Variants in KCTD4 observed in about 807,000 individuals in gnomAD.
The protein encoded by KCTD4 is BTB/POZ domain-containing protein KCTD4.
In KCTD4, 12 loss-of-function variants were observed where a neutral mutation model predicts 18.3. That is an observed-to-expected ratio of 0.66 (90% CI 0.42 to 1.06). KCTD4 has a LOEUF of 1.06. Among genes scored for constraint, KCTD4 ranks in the 50% least tolerant of loss-of-function variants. KCTD4 has a pLI of 0.00. For missense variants in KCTD4, 250 were observed against 303.4 expected (o/e 0.82, Z 1.31); for synonymous variants, 124 against 110.5 (o/e 1.12, Z -0.76).
intron 1 of KCTD4, among the ~76,000 whole-genome samples, chr13:45,196,788 A>G (rs182697561): frequency 2.2e-4 from 33 of 152,284 alleles, no homozygotes; most frequent in Non-Finnish European, 3.2e-4. Flanking sequence ...GGAAGCCCCA[A>G]TGCTGTTGCT....
chr13:45,194,200 GCC>G lies in KCTD4; in HGVS notation c.366_367del (p.Ala123ArgfsTer25). On this transcript the variant is annotated frameshift_variant, in exon 2 of 2. Coordinates refer to ENST00000379108, the MANE Select transcript of KCTD4 (RefSeq NM_198404.3). LOFTEE classifies it high-confidence loss of function. ...CTCCCACCTGGATTTCACTTCCTCTGCCAGTCCCTTGAGCTGAAAGAATTCTG... is the reference window on the plus strand; with the variant it reads ...CTCCCACCTGGATTTCACTTCCTCTGAGTCCCTTGAGCTGAAAGAATTCTG... 6.2e-7 allele frequency: 1 copy of G among 1,614,114 alleles called. No homozygotes were observed. The highest frequency in any genetic ancestry group is 8.5e-7 in the Non-Finnish European group (1 of 1,180,010).
chr13:45,197,520 A>AAG (rs1872964102), intron 1 of KCTD4, among the ~76,000 whole-genome samples: 1 of 151,226 alleles, frequency 6.6e-6, no homozygotes, highest in Admixed American at 6.6e-5. Context: ...AAAAAAAAAA[A>AAG]AAAAAAGGCA....
chr13:45,193,838 A>G lies in KCTD4; in HGVS notation c.730T>C (p.Cys244Arg), dbSNP rs1872754555. 3 of 1,611,902 alleles carry G rather than the reference A, an allele frequency of 1.9e-6. No homozygotes were observed. The highest frequency in any genetic ancestry group is 2.5e-6 in the Non-Finnish European group (3 of 1,179,504). The change falls in exon 2 of 2, where the codon TGT becomes CGT. Residue 244 changes from cysteine (C) to arginine (R), a missense_variant. Transcript: ENST00000379108. ...CGFRLLTSLD[C>R]SKGSIVHSDA... ...CTGTGAACAATTGACCCTTTGGAAC[A>G]ATCCAGGCTGGTCAGCAGTCTAAAG... is the stretch of plus-strand genomic sequence containing the variant.
Position 45,194,627 on chromosome 13 carries a change from A to G in KCTD4, c.-60T>C, listed in dbSNP as rs1872800416. The G allele has an allele frequency of 7.0e-7, 1 of 1,429,608 alleles. No individual in the cohort carries two copies. The highest frequency in any genetic ancestry group is 9.6e-7 in the Non-Finnish European group (1 of 1,038,502). The allele number at this position is 1,429,608 out of a possible 1,614,324, so 88.6% of individuals were successfully genotyped here. On this transcript the variant is annotated 5_prime_UTR_variant, in exon 2 of 2. Transcript: ENST00000379108. ...GCTTTGAGATTTTTTAAAAAGAGACACTACCACACAAGCACGCCTTTATTC... is the reference window on the plus strand; with the variant it reads ...GCTTTGAGATTTTTTAAAAAGAGACGCTACCACACAAGCACGCCTTTATTC...
At position 45,193,828 on chromosome 13, in the gene KCTD4, C is replaced by A; in HGVS notation, c.740G>T (p.Gly247Val). 1 of 1,608,718 alleles carries A rather than the reference C, an allele frequency of 6.2e-7. No homozygotes were observed. The highest frequency in any genetic ancestry group is 1.1e-5 in the South Asian group (1 of 90,508). The part of the protein sequence containing the change: ...RLLTSLDCSK[G>V]SIVHSDALHF... Reference sequence around the variant, plus strand: ...AAGTGCATCGCTGTGAACAATTGACCCTTTGGAACAATCCAGGCTGGTCAG... The same window carrying A: ...AAGTGCATCGCTGTGAACAATTGACACTTTGGAACAATCCAGGCTGGTCAG... Residue 247 changes from glycine to valine, a missense_variant, in exon 2 of 2, where the codon GGG (glycine) becomes GTG (valine). Gly to Val is a moderately radical substitution (Grantham distance 109). Coordinates refer to ENST00000379108, the MANE Select transcript of KCTD4 (RefSeq NM_198404.3).
chr13:45,194,482 T>G lies in KCTD4; in HGVS notation c.86A>C (p.Asn29Thr). The change falls in exon 2 of 2, where the codon AAC becomes ACC. Residue 29 changes from asparagine (N) to threonine (T), a missense_variant. Physicochemically the swap from Asn to Thr is moderately conservative, Grantham distance 65 (BLOSUM62 0). Transcript: ENST00000379108. The stretch of plus-strand genomic sequence containing the variant: ...GAGGGTCATCAGTGTGGATTTGCAG[T>G]TCTTTCCTTGATCAGTATCTTCCAG... ...NSLEDTDQGK[N>T]CKSTLMTLNV... is the part of the protein sequence containing the mutation. The G allele has an allele frequency of 1.2e-6, 2 of 1,614,178 alleles. No homozygotes were observed. The highest frequency in any genetic ancestry group is 1.7e-6 in the Non-Finnish European group (2 of 1,179,984).
chr13:45,197,076 CAT>C (rs777520153), intron 1 of KCTD4, among the ~76,000 whole-genome samples: 6 of 152,072 alleles, frequency 3.9e-5, no homozygotes, highest in Non-Finnish European at 8.8e-5. Context: ...GCAAAGTTGA[CAT>C]GTGTGATTTC....
At chr13:45,199,457 G>T (rs1336423624) in intron 1 of KCTD4, among the ~76,000 whole-genome samples, 1 of 152,074 alleles carries the variant, frequency 6.6e-6, no homozygotes, top group Non-Finnish European at 1.5e-5. Flanking sequence ...GAGTATTTCA[G>T]GGAAACCTGT....
chr13:45,196,108 TA>T (rs1392348956), intron 1 of KCTD4, among the ~76,000 whole-genome samples: 4 of 152,224 alleles, frequency 2.6e-5, no homozygotes, highest in African/African-American at 7.2e-5. Flanking sequence ...TTTTCAGGTA[TA>T]AAAAATTATA....
Position 45,194,670 on chromosome 13 carries a change from G to T in KCTD4, c.-103C>A. ...CTTTATTCAGCCCCAGCCTGGTGAT[G>T]GAATGGAAACGCTGGCAGCATCGCC... is the stretch of plus-strand genomic sequence containing the variant. On this transcript the variant is annotated 5_prime_UTR_variant, in exon 2 of 2. Transcript: ENST00000379108. 9.2e-7 allele frequency: 1 copy of T among 1,090,468 alleles called. No homozygotes were observed. Among genetic ancestry groups the T allele is most frequent in the Non-Finnish European group, 1.3e-6 (1 of 749,096 alleles). The allele number at this position is 1,090,468 out of a possible 1,614,324, so 67.5% of individuals were successfully genotyped here.
At chr13:45,194,892 GATCCAAATGTTTAATTCTTC>G (rs1431407069) in intron 1 of KCTD4, among the ~76,000 whole-genome samples, 138 bp from the exon 2 acceptor site, 2 of 152,224 alleles carry the variant, frequency 1.3e-5, no homozygotes, top group Admixed American at 1.3e-4. Context: ...CAGTTAAGCA[GATCCAAATGTTTAATTCTTC>G]ATCCAAATGT....
intron 1 of KCTD4, among the ~76,000 whole-genome samples, chr13:45,196,422 TTAAG>T (rs1218764124): frequency 2.0e-5 from 3 of 152,208 alleles, no homozygotes; most frequent in Non-Finnish European, 4.4e-5. Flanking sequence ...CTTTTTTAGA[TTAAG>T]TCTTTTCTGT....
chr13:45,193,820 C>A lies in KCTD4; in HGVS notation c.748G>T (p.Val250Phe). ...TSLDCSKGSI[V>F]HSDALHFIK ...ATAAAATGAAGTGCATCGCTGTGAA[C>A]AATTGACCCTTTGGAACAATCCAGG... is the stretch of plus-strand genomic sequence containing the variant. The change falls in exon 2 of 2, where the codon GTT becomes TTT. Residue 250 changes from valine (V) to phenylalanine (F), a missense_variant. Physicochemically the swap from Val to Phe is conservative, Grantham distance 50. Transcript: ENST00000379108. The A allele has an allele frequency of 6.2e-7, 1 of 1,607,804 alleles. No homozygotes were observed. The highest frequency in any genetic ancestry group is 2.2e-5 in the East Asian group (1 of 44,832).
At chr13:45,197,065 T>G (rs1281168544) in intron 1 of KCTD4, among the ~76,000 whole-genome samples, 1 of 151,988 alleles carries the variant, frequency 6.6e-6, no homozygotes, top group African/African-American at 2.4e-5. Flanking sequence ...GGTGTTCTTC[T>G]GCAAAGTTGA....
At position 45,194,560 on chromosome 13, in the gene KCTD4, C is replaced by T. The variant is rs562563207; in HGVS notation, c.8G>A (p.Arg3His). ...TTCTTTTTCTCTTCTGTTTATTTTACGCTCCATTTTTTGAAGATGCTATTT... is the reference window on the plus strand; with the variant it reads ...TTCTTTTTCTCTTCTGTTTATTTTATGCTCCATTTTTTGAAGATGCTATTT... ME[R>H]KINRREKEKE... The change falls in exon 2 of 2, where the codon CGT becomes CAT. Residue 3 changes from arginine to histidine, a missense_variant. Coordinates refer to ENST00000379108, the MANE Select transcript of KCTD4 (RefSeq NM_198404.3). The T allele has an allele frequency of 2.2e-5, 35 of 1,607,168 alleles. No homozygotes were observed. Among genetic ancestry groups the T allele is most frequent in the African/African-American group, 1.5e-4 (11 of 74,376 alleles).
chr13:45,198,806 A>G (rs1488932995), intron 1 of KCTD4, among the ~76,000 whole-genome samples: 2 of 151,832 alleles, frequency 1.3e-5, no homozygotes, highest in Non-Finnish European at 2.9e-5. Context: ...CCTCTTGTCA[A>G]TAGCACTGAA....
rs754763144 is a variant in KCTD4, at chr13:45,194,229, T to G, written c.339A>C (p.Glu113Asp). The stretch of plus-strand genomic sequence containing the variant: ...GTCCCTTGAGCTGAAAGAATTCTGC[T>G]TCTTGTGCAAGAAGTTGATTTTCTC... ...GFRENQLLAQ[E>D]AEFFQLKGLA... The change falls in exon 2 of 2, where the codon GAA (glutamate) becomes GAC (aspartate). Residue 113 changes from glutamate (E) to aspartate (D), a missense_variant. Coordinates refer to ENST00000379108, the MANE Select transcript of KCTD4 (RefSeq NM_198404.3). The G allele has an allele frequency of 6.2e-7, 1 of 1,614,220 alleles. No homozygotes were observed. Among genetic ancestry groups the G allele is most frequent in the Non-Finnish European group, 8.5e-7 (1 of 1,180,028 alleles).
In KCTD4 at chr13:45,193,777, GAC is replaced by G; in HGVS notation, c.*9_*10del. On this transcript the variant is annotated 3_prime_UTR_variant, in exon 2 of 2. Transcript: ENST00000379108. Reference sequence around the variant, plus strand: ...CTGCATGCTTGTTGCCTTTGTTCGTGACACAGGTAATTACTTGATAAAATGAA... The same window carrying G: ...CTGCATGCTTGTTGCCTTTGTTCGTGACAGGTAATTACTTGATAAAATGAA... The G allele has an allele frequency of 6.4e-7, 1 of 1,560,212 alleles. No homozygotes were observed. Among genetic ancestry groups the G allele is most frequent in the Non-Finnish European group, 8.6e-7 (1 of 1,157,036 alleles).
intron 1 of KCTD4, among the ~76,000 whole-genome samples, chr13:45,199,749 T>G (rs963475700): frequency 1.3e-5 from 2 of 152,226 alleles, no homozygotes; most frequent in African/African-American, 2.4e-5. Flanking sequence ...GGCATAACTT[T>G]GAAAACTCTT....
Sources: allele counts gnomAD v4.1 joint callset (sites outside exome capture counted in the v4.1 genomes callset), GRCh38; gene constraint gnomAD v4.1.1; transcripts MANE v1.5; gene names NCBI Gene and HGNC (gene_info 2026-07-23, HGNC 2026-07-21).